CDH10: variants seen among roughly 807,000 people sequenced by gnomAD.
CDH10 encodes cadherin 10.
CDH10 carries 30 observed loss-of-function variants against 73.1 expected under a neutral mutation model. The ratio of observed to expected loss-of-function variants is 0.41; its 90% confidence interval spans 0.31 to 0.56. The LOEUF (loss-of-function observed/expected upper bound fraction) is 0.56. Ranked by LOEUF, CDH10 falls within the 20% of genes least tolerant of loss-of-function variation. The pLI, the probability that CDH10 is intolerant of heterozygous loss-of-function variation, is 0.27. For missense variants in CDH10, 815 were observed against 973.7 expected (o/e 0.84, Z 2.17); for synonymous variants, 345 against 348.2 (o/e 0.99, Z 0.10).
chr5:24,574,064 T>C (rs997084884), intron 2 of CDH10, among the ~76,000 whole-genome samples: 1 of 151,590 alleles, frequency 6.6e-6, no homozygotes, highest in African/African-American at 2.4e-5. Flanking sequence ...TTTTCGTATT[T>C]TTAGTAGAAA....
At chr5:24,577,778 T>A (rs1425403424) in intron 2 of CDH10, among the ~76,000 whole-genome samples, 2 of 152,160 alleles carry the variant, frequency 1.3e-5, no homozygotes, top group East Asian at 3.9e-4. Flanking sequence ...TCCTCTCATA[T>A]ATGTTATAAA....
intron 1 of CDH10, among the ~76,000 whole-genome samples, chr5:24,603,138 A>C (rs1746626595): frequency 6.6e-6 from 1 of 152,180 alleles, no homozygotes; most frequent in African/African-American, 2.4e-5. Context: ...AGAGGAACAA[A>C]GAACACAACA....
At chr5:24,617,725 A>G (rs1472349837) in intron 1 of CDH10, among the ~76,000 whole-genome samples, 1 of 152,174 alleles carries the variant, frequency 6.6e-6, no homozygotes, top group Non-Finnish European at 1.5e-5. Context: ...CTAACTCTTC[A>G]TTTGTTCCTC....
At chr5:24,586,601 C>T (rs1746008587) in intron 2 of CDH10, among the ~76,000 whole-genome samples, 1 of 150,860 alleles carries the variant, frequency 6.6e-6, no homozygotes, top group South Asian at 2.1e-4. Flanking sequence ...CACTACCATG[C>T]CCGGATAATT....
intron 7 of CDH10, 126 bp downstream of exon 7, chr5:24,509,440 C>A (rs1197078644): frequency 7.0e-6 from 5 of 715,404 alleles, no homozygotes; most frequent in Non-Finnish European, 1.2e-5. Context: ...AGGGTTTCAC[C>A]ATGTTGGCCA....
chr5:24,561,649 G>A (rs1406193603), intron 2 of CDH10, among the ~76,000 whole-genome samples: 1 of 152,088 alleles, frequency 6.6e-6, no homozygotes, highest in Non-Finnish European at 1.5e-5. Flanking sequence ...GCTATAAAGT[G>A]TCTCAAAACT....
At chr5:24,637,402 T>C (rs572707389) in intron 1 of CDH10, among the ~76,000 whole-genome samples, 2 of 152,156 alleles carry the variant, frequency 1.3e-5, no homozygotes, top group South Asian at 4.1e-4. Flanking sequence ...CATGATGTTC[T>C]ACCATCTAAT....
chr5:24,632,773 A>G lies in CDH10; in HGVS notation c.-124+11821T>C, dbSNP rs1747747574. ...TTAGGGCTATTCTGTTAATTAAATC[A>G]AATCATCCCAGTGCCCCAAAGATGG... On this transcript the variant is annotated intron_variant, in intron 1 of 11. Coordinates refer to ENST00000264463, the MANE Select transcript of CDH10 (RefSeq NM_006727.5). 2.6e-5 allele frequency among the ~76,000 whole-genome samples: 4 copies of G among 152,054 alleles called. 1 individual carries two copies. The South Asian group carries it at 8.3e-4, about 31-fold the overall frequency.
chr5:24,590,642 T>A (rs998079055), intron 2 of CDH10, among the ~76,000 whole-genome samples: 1 of 152,060 alleles, frequency 6.6e-6, no homozygotes, highest in Non-Finnish European at 1.5e-5. Context: ...TGGGTTTCTA[T>A]CTGAGAAATT....
At chr5:24,545,588 A>AGATTAT (rs1744309547) in intron 2 of CDH10, among the ~76,000 whole-genome samples, 1 of 152,136 alleles carries the variant, frequency 6.6e-6, no homozygotes, top group Non-Finnish European at 1.5e-5. Flanking sequence ...ACCAAGGCAG[A>AGATTAT]AGGATCTTTT....
intron 5 of CDH10, 59 bp from the exon 6 acceptor site, chr5:24,511,573 G>T: frequency 1.2e-6 from 1 of 805,444 alleles, no homozygotes; most frequent in South Asian, 1.8e-5. Flanking sequence ...GAGAGAGAGA[G>T]AGAGAGAGAG....
intron 1 of CDH10, among the ~76,000 whole-genome samples, chr5:24,634,967 A>G (rs889413785): frequency 6.7e-6 from 1 of 150,098 alleles, no homozygotes; most frequent in South Asian, 2.1e-4. Flanking sequence ...ACCATTCCAG[A>G]TGCTTTTTAA....
chr5:24,592,647 T>C (rs1746239260), intron 2 of CDH10, among the ~76,000 whole-genome samples: 1 of 151,858 alleles, frequency 6.6e-6, no homozygotes, highest in South Asian at 2.1e-4. Flanking sequence ...ATGAAAACTC[T>C]TCCTGTCCAC....
chr5:24,642,023 G>T (rs978268583), intron 1 of CDH10, among the ~76,000 whole-genome samples: 1 of 152,080 alleles, frequency 6.6e-6, no homozygotes, highest in African/African-American at 2.4e-5. Flanking sequence ...AATTTGCATA[G>T]TAGAAATCAG....
rs530270406 is a variant in CDH10, at chr5:24,611,599, G to A, written c.-123-17986C>T. ...AGTTTTGTCTCCTATTTTCAGAGTA[G>A]ATTTTTGTTAACAATGAACTTTTAA... On this transcript the variant is annotated intron_variant, in intron 1 of 11. Coordinates refer to ENST00000264463, the MANE Select transcript of CDH10 (RefSeq NM_006727.5). Among the ~76,000 whole-genome samples the A allele has an allele frequency of 4.6e-5, 7 of 152,134 alleles. No individual in the cohort carries two copies. In the South Asian group the frequency reaches 1.5e-3, roughly 32 times the overall value.
chr5:24,501,461 G>C (rs12520949), intron 8 of CDH10, among the ~76,000 whole-genome samples: 1 of 152,018 alleles, frequency 6.6e-6, no homozygotes, highest in African/African-American at 2.4e-5. Context: ...AGTGTTCCAA[G>C]GAAGAATCAA....
Position 24,537,341 on chromosome 5 carries a change from CT to C in CDH10, c.526+38del, listed in dbSNP as rs375586775. The C allele has an allele frequency of 6.4e-6, 9 of 1,408,980 alleles. 1 individual carries two copies. The highest frequency in any genetic ancestry group is 3.7e-4 in the Middle Eastern group (2 of 5,468). 87.3% of individuals were successfully genotyped at this position (1,408,980 alleles called of 1,614,324 possible). ...TAAGAATTTCTTGATTTTTAAAACACTTTTTGAATACCATCATAAACGCTGT... is the reference window on the plus strand; with the variant it reads ...TAAGAATTTCTTGATTTTTAAAACACTTTTGAATACCATCATAAACGCTGT... On this transcript the variant is annotated intron_variant, in intron 3 of 11. Coordinates refer to ENST00000264463, the MANE Select transcript of CDH10 (RefSeq NM_006727.5).
chr5:24,586,573 G>A (rs1746007174), intron 2 of CDH10, among the ~76,000 whole-genome samples: 1 of 150,464 alleles, frequency 6.6e-6, no homozygotes, highest in African/African-American at 2.4e-5. Context: ...CTCCCATGTA[G>A]CTGGGACTAC....
chr5:24,556,645 T>C (rs1744779301), intron 2 of CDH10, among the ~76,000 whole-genome samples: 1 of 151,766 alleles, frequency 6.6e-6, no homozygotes, highest in Non-Finnish European at 1.5e-5. Context: ...TTAAACATCT[T>C]TTTTGGTTAA....
Sources: gnomAD v4.1 joint callset for allele counts (sites outside exome capture counted in the v4.1 genomes callset) on GRCh38, gnomAD v4.1.1 for gene constraint, MANE v1.5 for transcripts, NCBI Gene and HGNC (gene_info 2026-07-23, HGNC 2026-07-21) for gene names.